Variants in KCNT2 observed in about 807,000 individuals in gnomAD.
KCNT2 encodes potassium sodium-activated channel subfamily T member 2, also known as potassium channel subfamily T member 2.
A neutral mutation model predicts 153.8 loss-of-function variants in KCNT2; 67 were observed. That is an observed-to-expected ratio of 0.44 (90% CI 0.36 to 0.53). The LOEUF is 0.53. KCNT2 is among the 20% of genes least tolerant of loss of function. The probability of loss-of-function intolerance (pLI) is 0.00; values close to 1 mark genes in which losing one functional copy is unlikely to be tolerated. For synonymous variants in KCNT2, 500 were observed against 458.8 expected (o/e 1.09, Z -1.15); for missense variants, 975 against 1,354.8 (o/e 0.72, Z 4.40).
In KCNT2 at chr1:196,428,279, A is replaced by G; in HGVS notation, c.820-10T>C. On this transcript the variant is annotated splice_polypyrimidine_tract_variant and intron_variant, in intron 9 of 27. Coordinates refer to ENST00000294725, the MANE Select transcript of KCNT2 (RefSeq NM_198503.5). ...AAGCCAGCTGTTCAAACTGTAATATATTTTCCACATGTGAATGAAAAACAC... is the reference window on the plus strand; with the variant it reads ...AAGCCAGCTGTTCAAACTGTAATATGTTTTCCACATGTGAATGAAAAACAC... 3 of 1,602,968 alleles carry G rather than the reference A, an allele frequency of 1.9e-6. No individual in the cohort carries two copies. The South Asian group carries it at 3.3e-5, about 18-fold the overall frequency.
At chr1:196,422,379 T>C (rs1051567674) in intron 12 of KCNT2, among the ~76,000 whole-genome samples, 2 of 151,916 alleles carry the variant, frequency 1.3e-5, no homozygotes, top group African/African-American at 4.8e-5. Flanking sequence ...GATGGAGTCA[T>C]TGGCTTAGAA....
intron 14 of KCNT2, among the ~76,000 whole-genome samples, chr1:196,352,947 A>T (rs1219002292): frequency 6.6e-6 from 1 of 151,920 alleles, no homozygotes; most frequent in East Asian, 1.9e-4. Flanking sequence ...TTCTGCCTTC[A>T]TTTCTTTATG....
At chr1:196,443,341 TA>T (rs1675408727) in intron 8 of KCNT2, among the ~76,000 whole-genome samples, 1 of 151,520 alleles carries the variant, frequency 6.6e-6, no homozygotes, top group African/African-American at 2.4e-5. Flanking sequence ...TTTGGGGGCA[TA>T]TTTGTAACCA....
intron 1 of KCNT2, among the ~76,000 whole-genome samples, chr1:196,583,578 A>T (rs1662312475): frequency 6.6e-6 from 1 of 152,106 alleles, no homozygotes; most frequent in Non-Finnish European, 1.5e-5. Flanking sequence ...TTGATAAAAC[A>T]TAATTTTTAG....
intron 12 of KCNT2, among the ~76,000 whole-genome samples, chr1:196,400,261 A>G (rs935967052): frequency 6.6e-6 from 1 of 151,796 alleles, no homozygotes; most frequent in African/African-American, 2.4e-5. Flanking sequence ...GAAGTACACA[A>G]TTTTAAAGGA....
chr1:196,392,814 C>T (rs1373920494), intron 13 of KCNT2, among the ~76,000 whole-genome samples: 2 of 151,332 alleles, frequency 1.3e-5, no homozygotes, highest in Admixed American at 1.3e-4. Context: ...GAATCAAACT[C>T]TATGAATGAT....
In KCNT2 at chr1:196,454,598, A is replaced by G. The variant is rs143621379; in HGVS notation, c.638+10695T>C. 4.2e-3 allele frequency among the ~76,000 whole-genome samples: 634 copies of G among 151,888 alleles called. 11 individuals are homozygous for G. The highest frequency in any genetic ancestry group is 0.013 in the African/African-American group (557 of 41,458). On this transcript the variant is annotated intron_variant, in intron 8 of 27. Transcript: ENST00000294725. Reference sequence around the variant, plus strand: ...CCATATTTTCTTTATCCAATCTACCACAGATGGGCACCCATCTGTGCCCAT... The same window carrying G: ...CCATATTTTCTTTATCCAATCTACCGCAGATGGGCACCCATCTGTGCCCAT...
chr1:196,497,950 G>T (rs1334613808), intron 1 of KCNT2, among the ~76,000 whole-genome samples: 1 of 152,106 alleles, frequency 6.6e-6, no homozygotes, highest in Non-Finnish European at 1.5e-5. Context: ...CTTCGAATAT[G>T]AATTGAACAA....
At chr1:196,525,919 T>A (rs1654122126) in intron 1 of KCNT2, among the ~76,000 whole-genome samples, 2 of 152,200 alleles carry the variant, frequency 1.3e-5, no homozygotes, top group African/African-American at 4.8e-5. Flanking sequence ...ACAAAAAATG[T>A]GACCAAAGGT....
At chr1:196,490,544 C>A (rs1467153746) in intron 2 of KCNT2, among the ~76,000 whole-genome samples, 1 of 149,146 alleles carries the variant, frequency 6.7e-6, no homozygotes, top group Non-Finnish European at 1.5e-5. Flanking sequence ...GAGAAACACA[C>A]ACACGATCAA....
At chr1:196,489,341 A>G (rs1011903936) in intron 3 of KCNT2, among the ~76,000 whole-genome samples, 2 of 151,962 alleles carry the variant, frequency 1.3e-5, no homozygotes, top group Non-Finnish European at 2.9e-5. Flanking sequence ...CCTCTCTAGT[A>G]TTCATGGAAT....
At chr1:196,534,634 GAAAA>G (rs1487887596) in intron 1 of KCNT2, among the ~76,000 whole-genome samples, 1 of 151,834 alleles carries the variant, frequency 6.6e-6, no homozygotes, top group African/African-American at 2.4e-5. Context: ...TAAAAGAACA[GAAAA>G]AAAGGAAGCC....
chr1:196,305,401 T>A lies in KCNT2; in HGVS notation c.2484-56A>T, dbSNP rs1037264848. 4 of 946,054 alleles carry A rather than the reference T, an allele frequency of 4.2e-6. No homozygotes were observed. The African/African-American group carries it at 6.5e-5, about 15-fold the overall frequency. 58.6% of individuals were successfully genotyped at this position (946,054 alleles called of 1,614,324 possible). ...TAACAATCCAATATGGTATTTTTTA[T>A]AACAACATATTTATGAGTGAGTGAT... On this transcript the variant is annotated intron_variant, in intron 21 of 27. Coordinates refer to ENST00000294725, the MANE Select transcript of KCNT2 (RefSeq NM_198503.5).
rs976388530 is a variant in KCNT2 at position 196,338,948 on chromosome 1, C to CAAAAAAA, written c.1783+1386_1783+1392dup. On this transcript the variant is annotated intron_variant, in intron 16 of 27. Transcript: ENST00000294725. ...GATAATGGTGTCATCTGCTTTTTAG[C>CAAAAAAA]AAAAAAAAAAAAAAAAAAAAAAAAA... Among the ~76,000 whole-genome samples, 13 of 37,728 alleles carry CAAAAAAA rather than the reference C, an allele frequency of 3.4e-4. 1 individual carries two copies. Among genetic ancestry groups the CAAAAAAA allele is most frequent in the Non-Finnish European group, 7.3e-4 (13 of 17,734 alleles). 24.8% of individuals were successfully genotyped at this position (37,728 alleles called of 152,430 possible). A position where few individuals can be genotyped will look rare whatever the true frequency, so the allele number is the denominator to read the frequency against.
intron 12 of KCNT2, among the ~76,000 whole-genome samples, chr1:196,405,571 A>T (rs571478113): frequency 2.1e-4 from 32 of 151,682 alleles, no homozygotes; most frequent in Admixed American, 5.9e-4. Flanking sequence ...ATTTTAGATG[A>T]AATTTTATAA....
chr1:196,417,696 C>T (rs776490641), intron 12 of KCNT2, among the ~76,000 whole-genome samples: 6 of 152,082 alleles, frequency 3.9e-5, no homozygotes, highest in East Asian at 1.9e-4. Context: ...ATTCACTTAG[C>T]GATGGGGATA....
At chr1:196,353,704 T>C (rs1666942802) in intron 14 of KCNT2, among the ~76,000 whole-genome samples, 1 of 152,020 alleles carries the variant, frequency 6.6e-6, no homozygotes, top group Non-Finnish European at 1.5e-5. Context: ...ACTCACATAT[T>C]AGTCTACTAT....
At chr1:196,435,170 T>TATGAATTC (rs1674541782) in intron 8 of KCNT2, among the ~76,000 whole-genome samples, 1 of 135,394 alleles carries the variant, frequency 7.4e-6, no homozygotes, top group Admixed American at 7.5e-5. Context: ...TATATATATA[T>TATGAATTC]ATATATATAT....
intron 1 of KCNT2, among the ~76,000 whole-genome samples, chr1:196,527,379 A>C (rs929265253): frequency 1.3e-5 from 2 of 152,194 alleles, no homozygotes; most frequent in Non-Finnish European, 2.9e-5. Context: ...GCACAGACAT[A>C]AAAATGCATC....
Sources: allele counts gnomAD v4.1 joint callset (sites outside exome capture counted in the v4.1 genomes callset), GRCh38; gene constraint gnomAD v4.1.1; transcripts MANE v1.5; gene names NCBI Gene and HGNC (gene_info 2026-07-23, HGNC 2026-07-21).